Variants in TNKS observed in about 807,000 individuals in gnomAD.
TNKS encodes tankyrase.
A neutral mutation model predicts 135.8 loss-of-function variants in TNKS; 72 were observed. That is an observed-to-expected ratio of 0.53 (90% CI 0.44 to 0.64). The LOEUF (loss-of-function observed/expected upper bound fraction) is 0.64. TNKS is among the 30% of genes least tolerant of loss of function. The probability of loss-of-function intolerance (pLI) is 0.00; values close to 1 mark genes in which losing one functional copy is unlikely to be tolerated. For missense variants in TNKS, 1,769 were observed against 1,674.0 expected, an observed-to-expected ratio of 1.06 and a Z score of -0.99; for synonymous variants, 849 against 649.3, an observed-to-expected ratio of 1.31 and a Z score of -4.68.
chr8:9,742,170 C>G (rs1204840408), intron 17 of TNKS, among the ~76,000 whole-genome samples: 4 of 152,070 alleles, frequency 2.6e-5, no homozygotes, highest in Admixed American at 2.6e-4. Flanking sequence ...GGTATTTTTA[C>G]CTCATTGTGA....
intron 3 of TNKS, among the ~76,000 whole-genome samples, chr8:9,640,062 G>C (rs1800667330): frequency 6.6e-6 from 1 of 152,128 alleles, no homozygotes; most frequent in Non-Finnish European, 1.5e-5. Flanking sequence ...AATATATCAA[G>C]GGGTCTTTCT....
rs912029103 is a variant in TNKS at position 9,656,206 on chromosome 8, A to C, written c.995-23745A>C. Among the ~76,000 whole-genome samples the C allele has an allele frequency of 6.6e-5, 10 of 152,210 alleles. 1 individual carries two copies. Among genetic ancestry groups the C allele is most frequent in the African/African-American group, 1.7e-4 (7 of 41,454 alleles). On this transcript the variant is annotated intron_variant, in intron 3 of 26. Transcript: ENST00000310430. ...GAAGTTTAGAGAAAAAAGAAAAGAA[A>C]CGAACAAAGCCTCCAAGAAATATGG...
chr8:9,593,325 G>T (rs994419245), intron 2 of TNKS, among the ~76,000 whole-genome samples: 1 of 152,192 alleles, frequency 6.6e-6, no homozygotes, highest in Non-Finnish European at 1.5e-5. Context: ...TTGTTACTTT[G>T]CCACAGTCTG....
chr8:9,758,008 A>C (rs1806933734), intron 20 of TNKS, among the ~76,000 whole-genome samples: 1 of 152,236 alleles, frequency 6.6e-6, no homozygotes, highest in African/African-American at 2.4e-5. Flanking sequence ...TCCACCTTCT[A>C]GTCATCCTTT....
chr8:9,716,950 C>T (rs570060646), intron 11 of TNKS, among the ~76,000 whole-genome samples: 5 of 150,732 alleles, frequency 3.3e-5, no homozygotes, highest in East Asian at 1.9e-4. Flanking sequence ...TTGTTGAGTA[C>T]GAGCATTCAT....
intron 2 of TNKS, among the ~76,000 whole-genome samples, chr8:9,599,173 C>T (rs1322309621): frequency 2.0e-5 from 3 of 152,000 alleles, no homozygotes; most frequent in African/African-American, 4.8e-5. Context: ...CATAATATAG[C>T]AGTTAGGTGT....
chr8:9,711,526 T>C (rs1015790561), intron 11 of TNKS, among the ~76,000 whole-genome samples: 2 of 152,216 alleles, frequency 1.3e-5, no homozygotes, highest in African/African-American at 2.4e-5. Context: ...CCTGACATGC[T>C]TTTATAGTGT....
At chr8:9,613,292 T>A (rs1470445180) in intron 2 of TNKS, among the ~76,000 whole-genome samples, 1 of 152,212 alleles carries the variant, frequency 6.6e-6, no homozygotes, top group African/African-American at 2.4e-5. Context: ...TTTTAACATG[T>A]GCTTTAAATA....
chr8:9,694,543 C>T (rs986740725), intron 5 of TNKS, among the ~76,000 whole-genome samples: 1 of 152,090 alleles, frequency 6.6e-6, no homozygotes, highest in Non-Finnish European at 1.5e-5. Context: ...AGGTGGATCA[C>T]TTGAGGTCAG....
chr8:9,752,603 C>T lies in TNKS; in HGVS notation c.3130C>T (p.Arg1044Trp), dbSNP rs1170881389. The change falls in exon 20 of 27, where the codon CGG becomes TGG. Residue 1044 changes from arginine to tryptophan, a missense_variant. Arg to Trp is a moderately radical substitution (Grantham distance 101, BLOSUM62 -3). This residue lies in a region of TNKS where 722 missense variants were observed against 688.9 expected (regional missense o/e 1.05). Coordinates refer to ENST00000310430, the MANE Select transcript of TNKS (RefSeq NM_003747.3). ...AAAAAGCCTTGGCCTTGAACACCTT[C>T]GGGATATCTTTGAAACAGAACAGGT... ...FLKSLGLEHL[R>W]DIFETEQITL... 1.2e-6 allele frequency: 2 copies of T among 1,612,166 alleles called. No individual in the cohort carries two copies. Among genetic ancestry groups the T allele is most frequent in the Non-Finnish European group, 1.7e-6 (2 of 1,178,888 alleles).
intron 3 of TNKS, among the ~76,000 whole-genome samples, chr8:9,660,825 T>C (rs953542333): frequency 1.3e-5 from 2 of 152,176 alleles, no homozygotes; most frequent in African/African-American, 4.8e-5. Flanking sequence ...CATGATTGTA[T>C]ATCTAGAAAA....
intron 1 of TNKS, among the ~76,000 whole-genome samples, chr8:9,566,769 C>T (rs962565164): frequency 1.3e-4 from 19 of 151,176 alleles, no homozygotes; most frequent in Non-Finnish European, 2.2e-4. Flanking sequence ...CCACCGCGCC[C>T]GGCTAATTTT....
intron 1 of TNKS, chr8:9,558,390 A>G (rs533022443): frequency 6.6e-6 from 1 of 152,254 alleles, no homozygotes; most frequent in Admixed American, 6.5e-5. Flanking sequence ...TTTAGATGAA[A>G]TAGCATTTCT....
chr8:9,655,093 A>G (rs1801302112), intron 3 of TNKS, among the ~76,000 whole-genome samples: 1 of 152,226 alleles, frequency 6.6e-6, no homozygotes. Context: ...CCAGGAGATT[A>G]TATCCTGCAC....
intron 1 of TNKS, among the ~76,000 whole-genome samples, chr8:9,576,870 CA>C (rs1797969429): frequency 2.0e-5 from 3 of 151,906 alleles, no homozygotes. Flanking sequence ...ATATGAAATG[CA>C]TAATATACAA....
chr8:9,612,614 AAAGTCCTT>A (rs1554449057), intron 2 of TNKS, among the ~76,000 whole-genome samples: 1 of 152,210 alleles, frequency 6.6e-6, no homozygotes, highest in Non-Finnish European at 1.5e-5. Flanking sequence ...TTTAAGTTTC[AAAGTCCTT>A]AAGTAAGATT....
At position 9,752,672 on chromosome 8, in the gene TNKS, G is replaced by C. The variant is rs1223968782; in HGVS notation, c.3153+46G>C. ...TTGAGTCATTTAAATTAAATACTAAGATTAGGCTGGATGCAGTGGTTCACA... is the reference window on the plus strand; with the variant it reads ...TTGAGTCATTTAAATTAAATACTAACATTAGGCTGGATGCAGTGGTTCACA... On this transcript the variant is annotated intron_variant, in intron 20 of 26. Transcript: ENST00000310430. The C allele has an allele frequency of 2.3e-6, 3 of 1,286,108 alleles. No homozygotes were observed. The African/African-American group carries it at 4.4e-5, about 19-fold the overall frequency. 79.7% of individuals were successfully genotyped at this position (1,286,108 alleles called of 1,614,324 possible).
chr8:9,771,364 GA>G (rs1807842520), intron 26 of TNKS, among the ~76,000 whole-genome samples: 1 of 125,444 alleles, frequency 8.0e-6, no homozygotes, highest in Non-Finnish European at 1.7e-5. Flanking sequence ...GGGAGAGAGA[GA>G]GGAAGGGAGG....
chr8:9,762,737 C>G (rs1019738642), intron 21 of TNKS, among the ~76,000 whole-genome samples: 6 of 151,916 alleles, frequency 3.9e-5, no homozygotes, highest in East Asian at 3.9e-4. Context: ...CCTGTCTCTA[C>G]TAAACAAAAT....
Sources: gnomAD v4.1 joint callset for allele counts (sites outside exome capture counted in the v4.1 genomes callset) on GRCh38, gnomAD v4.1.1 for gene constraint, gnomAD v4.1.1 regional missense constraint, MANE v1.5 for transcripts, NCBI Gene and HGNC (gene_info 2026-07-23, HGNC 2026-07-21) for gene names.